Variants in MCF2L observed in about 807,000 individuals in gnomAD.
MCF2L encodes the protein MCF.2 cell line derived transforming sequence like, also known as guanine nucleotide exchange factor DBS.
In MCF2L, 97 loss-of-function variants were observed where a neutral mutation model predicts 153.4. The ratio of observed to expected loss-of-function variants is 0.63; its 90% confidence interval spans 0.54 to 0.75. The LOEUF (loss-of-function observed/expected upper bound fraction) is 0.75. Ranked by LOEUF, MCF2L falls within the 30% of genes least tolerant of loss-of-function variation. The probability of loss-of-function intolerance (pLI) is 0.00; values close to 1 mark genes in which losing one functional copy is unlikely to be tolerated. For missense variants in MCF2L, 1,347 were observed against 1,495.2 expected (o/e 0.90, Z 1.64); for synonymous variants, 659 against 632.2 (o/e 1.04, Z -0.64).
Position 112,925,833 on chromosome 13 carries a change from T to C in MCF2L, c.169+23462T>C, listed in dbSNP as rs545448126. ...AAAACCACACAAGAAAGCATTGCGTTGATTACATTAAACGTATTTTAAACT... is the reference window on the plus strand; with the variant it reads ...AAAACCACACAAGAAAGCATTGCGTCGATTACATTAAACGTATTTTAAACT... On this transcript the variant is annotated intron_variant, in intron 2 of 29. Transcript: ENST00000375608. Among the ~76,000 whole-genome samples, 170 of 152,324 alleles carry C rather than the reference T, an allele frequency of 1.1e-3. 2 individuals are homozygous for C. The highest frequency in any genetic ancestry group is 3.9e-3 in the African/African-American group (163 of 41,556).
rs2033779238 is a variant in MCF2L at position 113,078,682 on chromosome 13, G to A, written c.1751G>A (p.Ser584Asn). 8 of 1,611,914 alleles carry A rather than the reference G, an allele frequency of 5.0e-6. No individual in the cohort carries two copies. The highest frequency in any genetic ancestry group is 1.3e-5 in the African/African-American group (1 of 75,072). ...TCTCCCCAGAGTGAGATGAGTGAGA[G>A]CCGGCAGGGCCGCGGCTCAGCGGGG... ...YRRAKSEMSE[S>N]RQGRGSAGEE... Residue 584 changes from serine to asparagine, a missense_variant, in exon 15 of 30, where the codon AGC (serine) becomes AAC (asparagine). By Grantham distance (46) the Ser-to-Asn change is conservative. This residue lies in a region of MCF2L where 820 missense variants were observed against 921.2 expected (regional missense o/e 0.89). Coordinates refer to ENST00000535094, the MANE Select transcript of MCF2L (RefSeq NM_001112732.3).
chr13:113,057,571 G>A (rs763174181), intron 4 of MCF2L, among the ~76,000 whole-genome samples: 33 of 147,018 alleles, frequency 2.2e-4, no homozygotes, highest in Non-Finnish European at 3.9e-4. Flanking sequence ...TTTGGGTGCT[G>A]TGTGTTTGAG....
intron 26 of MCF2L, chr13:113,090,470 G>T (rs970559866): frequency 2.0e-6 from 2 of 976,386 alleles, no homozygotes; most frequent in African/African-American, 3.6e-5. Flanking sequence ...GCCTTCTCAG[G>T]TGAGTTCCCT....
intron 1 of MCF2L, among the ~76,000 whole-genome samples, chr13:112,898,080 C>T (rs2081084990): frequency 6.6e-6 from 1 of 152,242 alleles, no homozygotes; most frequent in Non-Finnish European, 1.5e-5. Context: ...CCGCCCCCAC[C>T]TCTACTCCAC....
Position 113,075,947 on chromosome 13 carries a change from C to T in MCF2L, c.1309-19C>T. On this transcript the variant is annotated intron_variant, in intron 11 of 29. Coordinates refer to ENST00000535094, the MANE Select transcript of MCF2L (RefSeq NM_001112732.3). ...CCCTCTCACGGCGTCCTGCCCTCGG[C>T]AATGCTCTGTGTTTCCAGTCCATGA... 6.3e-7 allele frequency: 1 copy of T among 1,586,738 alleles called. No individual in the cohort carries two copies. Among genetic ancestry groups the T allele is most frequent in the Non-Finnish European group, 8.6e-7 (1 of 1,164,722 alleles).
chr13:112,895,222 G>C (rs1332059915), intron 1 of MCF2L, among the ~76,000 whole-genome samples: 2 of 152,110 alleles, frequency 1.3e-5, no homozygotes, highest in African/African-American at 4.8e-5. Context: ...GGGCTCTGGA[G>C]CCCAGGCAGG....
At chr13:112,968,057 C>A, upstream of MCF2L, 1 of 216,538 alleles carries the variant, frequency 4.6e-6, no homozygotes, top group Non-Finnish European at 9.3e-6. Flanking sequence ...TGCTTGAATT[C>A]CCAAACCATT....
intron 2 of MCF2L, among the ~76,000 whole-genome samples, chr13:112,919,888 C>G (rs1337400473): frequency 6.6e-6 from 1 of 152,144 alleles, no homozygotes; most frequent in Non-Finnish European, 1.5e-5. Context: ...GACCCCAAAA[C>G]CAGTGTAATT....
In MCF2L at chr13:113,035,316, T is replaced by G. The variant is rs2086086689; in HGVS notation, c.279-9955T>G. On this transcript the variant is annotated intron_variant, in intron 3 of 29. Transcript: ENST00000535094. This position sits in a 1 kb window ranked among gnomAD's most constrained non-coding sequence, Gnocchi z 4.4. ...TACTCTAAGGCCTGTCTGTAAACCC[T>G]AATAAATGACCCTACTCAGGTAAGA... Among the ~76,000 whole-genome samples the G allele has an allele frequency of 6.6e-6, 1 of 152,346 alleles. No homozygotes were observed. Among genetic ancestry groups the G allele is most frequent in the Admixed American group, 6.5e-5 (1 of 15,306 alleles).
At chr13:113,066,197 C>T (rs751464288) in intron 8 of MCF2L, 27 bp downstream of exon 8, 2 of 1,583,122 alleles carry the variant, frequency 1.3e-6, no homozygotes, top group South Asian at 2.3e-5. Flanking sequence ...TTCCTGCCCT[C>T]ATCCTGTCCC....
intron 1 of MCF2L, among the ~76,000 whole-genome samples, chr13:113,014,172 C>A (rs2084359032): frequency 1.3e-5 from 2 of 152,234 alleles, no homozygotes; most frequent in South Asian, 4.1e-4. Flanking sequence ...CCATCTGGAA[C>A]CTGCTGGGTG....
At chr13:113,019,197 C>T (rs891872433) in intron 2 of MCF2L, among the ~76,000 whole-genome samples, 1 of 152,224 alleles carries the variant, frequency 6.6e-6, no homozygotes, top group African/African-American at 2.4e-5. Context: ...GCAGCTGAGC[C>T]GCAGTTCTCA....
At position 113,095,481 on chromosome 13, in the gene MCF2L, G is replaced by A. The variant is rs992821154; in HGVS notation, c.3075+846G>A. ...GAACAGGGTGCACGGGGCCTGGGGAGGGATTTGGATCTCATTCTTTGTGGG... is the reference window on the plus strand; with the variant it reads ...GAACAGGGTGCACGGGGCCTGGGGAAGGATTTGGATCTCATTCTTTGTGGG... On this transcript the variant is annotated intron_variant, in intron 27 of 29. Transcript: ENST00000535094. 4.7e-6 allele frequency: 5 copies of A among 1,072,402 alleles called. No individual in the cohort carries two copies. The African/African-American group carries it at 8.5e-5, about 18-fold the overall frequency. 66.4% of individuals were successfully genotyped at this position (1,072,402 alleles called of 1,614,324 possible).
chr13:113,076,031 C>T lies in MCF2L; in HGVS notation c.1374C>T (p.Ser458=), dbSNP rs779195029. The T allele has an allele frequency of 1.2e-6, 2 of 1,613,960 alleles. No individual in the cohort carries two copies. Among genetic ancestry groups the T allele is most frequent in the African/African-American group, 1.3e-5 (1 of 75,046 alleles). ...CACAACCTGTGGACAAGTGCCAGTC[C>T]CAGGACGGCGCGGAGGCTGCCCTCC... The part of the protein sequence containing the change: ...LASQPVDKCQ[S]QDGAEAALQE... Residue 458 remains serine (S), a synonymous_variant, in exon 12 of 30, where the codon TCC becomes TCT. Transcript: ENST00000535094.
At chr13:113,058,196 T>G (rs1376698108) in intron 4 of MCF2L, among the ~76,000 whole-genome samples, 2 of 124,670 alleles carry the variant, frequency 1.6e-5, no homozygotes, top group Admixed American at 8.2e-5. Flanking sequence ...TATGTGGGCA[T>G]TGAGTTTTTG....
intron 2 of MCF2L, chr13:112,917,533 G>A (rs753334276): frequency 7.4e-4 from 188 of 253,468 alleles, no homozygotes; most frequent in Non-Finnish European, 1.2e-3. Flanking sequence ...AGGTGAGTGC[G>A]GGCCCTTCTC....
chr13:113,047,949 C>T (rs1317562214), intron 4 of MCF2L, among the ~76,000 whole-genome samples: 2 of 152,258 alleles, frequency 1.3e-5, no homozygotes. Flanking sequence ...CCAGTGCCCT[C>T]GCACACACAT....
At chr13:113,011,531 TGGTGGACACTGCGATGAGGAC>T (rs1566731889) in intron 1 of MCF2L, among the ~76,000 whole-genome samples, 3 of 119,798 alleles carry the variant, frequency 2.5e-5, no homozygotes, top group African/African-American at 1.0e-4. Context: ...GCTGGGTGGA[TGGTGGACACTGCGATGAGGAC>T]GGTGGACACT....
At chr13:112,984,539 AG>A (rs150281213) in intron 1 of MCF2L, among the ~76,000 whole-genome samples, 2,232 of 152,308 alleles carry the variant, frequency 0.015, 60 homozygotes, top group African/African-American at 0.052. Flanking sequence ...CGCCCGGCCT[AG>A]AAATTCTCTT....
Sources: gnomAD v4.1 joint callset for allele counts (sites outside exome capture counted in the v4.1 genomes callset) on GRCh38, gnomAD v4.1.1 for gene constraint, gnomAD v4.1.1 regional missense constraint, Gnocchi (gnomAD v3.1) non-coding constraint, MANE v1.5 for transcripts, NCBI Gene and HGNC (gene_info 2026-07-23, HGNC 2026-07-21) for gene names.